The following KIAA1549L variants were observed in gnomAD, a reference collection of about 807,000 sequenced individuals.
The protein encoded by KIAA1549L is KIAA1549 like.
A neutral mutation model predicts 160.7 loss-of-function variants in KIAA1549L; 88 were observed. That is an observed-to-expected ratio of 0.55 (90% confidence interval 0.46 to 0.65). KIAA1549L has a LOEUF of 0.65. KIAA1549L is among the 30% of genes least tolerant of loss of function. The probability of loss-of-function intolerance (pLI) is 0.00; values close to 1 mark genes in which losing one functional copy is unlikely to be tolerated. For missense variants in KIAA1549L, 2,258 were observed against 2,437.5 expected, an observed-to-expected ratio of 0.93 and a Z score of 1.55; for synonymous variants, 950 against 976.7, an observed-to-expected ratio of 0.97 and a Z score of 0.51.
At chr11:33,662,332 T>G (rs186951952) in intron 20 of KIAA1549L, among the ~76,000 whole-genome samples, 3 of 152,342 alleles carry the variant, frequency 2.0e-5, no homozygotes, top group Admixed American at 2.0e-4. Flanking sequence ...TGTGCCATTA[T>G]CTGCAAATGA....
At chr11:33,495,761 T>C (rs1461427798) in intron 1 of KIAA1549L, among the ~76,000 whole-genome samples, 3 of 152,152 alleles carry the variant, frequency 2.0e-5, no homozygotes, top group Admixed American at 6.5e-5. Flanking sequence ...AAAGTGTTCC[T>C]GTTTCTCCAC....
At chr11:33,616,047 G>A (rs1288848380) in intron 15 of KIAA1549L, among the ~76,000 whole-genome samples, 6 of 152,130 alleles carry the variant, frequency 3.9e-5, no homozygotes, top group East Asian at 1.9e-4. Flanking sequence ...TGTGAGTGCC[G>A]TTATTAGAGT....
At chr11:33,584,879 G>A (rs1855760135) in intron 11 of KIAA1549L, among the ~76,000 whole-genome samples, 1 of 152,184 alleles carries the variant, frequency 6.6e-6, no homozygotes, top group South Asian at 2.1e-4. Flanking sequence ...TTGTCTACCA[G>A]TGCAGGAATG....
At chr11:33,494,753 T>C (rs1852775520) in intron 1 of KIAA1549L, among the ~76,000 whole-genome samples, 1 of 152,220 alleles carries the variant, frequency 6.6e-6, no homozygotes, top group Non-Finnish European at 1.5e-5. Context: ...AGAGCCACTT[T>C]GGCTCGATGC....
At chr11:33,458,544 G>A (rs539400754) in intron 1 of KIAA1549L, among the ~76,000 whole-genome samples, 1 of 152,358 alleles carries the variant, frequency 6.6e-6, no homozygotes, top group South Asian at 2.1e-4. Flanking sequence ...AGGGAGAAGA[G>A]TAGGGAGATG....
intron 5 of KIAA1549L, 131 bp downstream of exon 5, chr11:33,551,390 G>C: frequency 1.4e-6 from 1 of 726,022 alleles, no homozygotes; most frequent in Non-Finnish European, 2.4e-6. Context: ...TTCTTCAAAG[G>C]GTCCTGCTAA....
At chr11:33,480,188 A>G (rs1852379587) in intron 1 of KIAA1549L, among the ~76,000 whole-genome samples, 1 of 152,210 alleles carries the variant, frequency 6.6e-6, no homozygotes, top group Non-Finnish European at 1.5e-5. Context: ...AATCAATTTT[A>G]GAACATTTTC....
intron 9 of KIAA1549L, among the ~76,000 whole-genome samples, chr11:33,569,023 C>T (rs1855152209): frequency 6.6e-6 from 1 of 152,186 alleles, no homozygotes; most frequent in Non-Finnish European, 1.5e-5. Context: ...CAGTAACTGG[C>T]TTAATAACGC....
In KIAA1549L at chr11:33,459,984, G is replaced by A. The variant is rs889380427; in HGVS notation, c.239-81818G>A. Reference sequence around the variant, plus strand: ...TCAAAAAAAAAAAAAAAAAGAAATAGCCTTCATCCCACTTGCTCCTTAAAT... The same window carrying A: ...TCAAAAAAAAAAAAAAAAAGAAATAACCTTCATCCCACTTGCTCCTTAAAT... On this transcript the variant is annotated intron_variant, in intron 1 of 20. Coordinates refer to ENST00000658780, the MANE Select transcript of KIAA1549L (RefSeq NM_012194.3). Among the ~76,000 whole-genome samples, 266 of 118,890 alleles carry A rather than the reference G, an allele frequency of 2.2e-3. 1 individual carries two copies. The highest frequency in any genetic ancestry group is 8.3e-3 in the African/African-American group (250 of 30,162). The allele number at this position is 118,890 out of a possible 152,430, so 78.0% of individuals were successfully genotyped here.
intron 10 of KIAA1549L, among the ~76,000 whole-genome samples, chr11:33,579,453 C>T (rs1327627679): frequency 6.6e-6 from 1 of 152,186 alleles, no homozygotes; most frequent in Non-Finnish European, 1.5e-5. Context: ...TAGTTGCACC[C>T]TCTTCTCTGT....
intron 1 of KIAA1549L, among the ~76,000 whole-genome samples, chr11:33,499,960 T>C (rs1374652414): frequency 6.6e-6 from 1 of 152,202 alleles, no homozygotes; most frequent in Non-Finnish European, 1.5e-5. Flanking sequence ...TTGCTCTTCC[T>C]CATCCACATA....
intron 12 of KIAA1549L, among the ~76,000 whole-genome samples, chr11:33,598,190 T>TTGTGTGTG (rs57343190): frequency 0.01 from 1,353 of 135,152 alleles, 18 homozygotes; most frequent in African/African-American, 0.031. Context: ...GAGAGAATGT[T>TTGTGTGTG]TGTGTGTGTG....
chr11:33,432,567 T>C (rs1171008475), intron 1 of KIAA1549L, among the ~76,000 whole-genome samples: 1 of 152,168 alleles, frequency 6.6e-6, no homozygotes, highest in Non-Finnish European at 1.5e-5. Flanking sequence ...GAAATAAACA[T>C]ATCTTTTCCT....
chr11:33,668,383 T>C lies in KIAA1549L; in HGVS notation c.*229T>C. 1.7e-6 allele frequency: 1 copy of C among 574,400 alleles called. No individual in the cohort carries two copies. The highest frequency in any genetic ancestry group is 2.3e-5 in the South Asian group (1 of 44,066). The allele number at this position is 574,400 out of a possible 1,614,324, so 35.6% of individuals were successfully genotyped here. On this transcript the variant is annotated 3_prime_UTR_variant, in exon 21 of 21. Coordinates refer to ENST00000658780, the MANE Select transcript of KIAA1549L (RefSeq NM_012194.3). ...AAGTCCCTGGCTTGGGGCCTTATGT[T>C]TGATACTCTCTCATGTCAAATGTTT...
intron 1 of KIAA1549L, among the ~76,000 whole-genome samples, chr11:33,478,906 C>T (rs1451311338): frequency 2.0e-5 from 3 of 152,144 alleles, no homozygotes; most frequent in Admixed American, 2.0e-4. Flanking sequence ...GCTGGGATTA[C>T]AGGTGTCAGC....
At chr11:33,408,341 T>C (rs1850711516) in intron 1 of KIAA1549L, among the ~76,000 whole-genome samples, 1 of 152,060 alleles carries the variant, frequency 6.6e-6, no homozygotes, top group Non-Finnish European at 1.5e-5. Context: ...AGCATCTGCG[T>C]GATCTTGGTT....
intron 11 of KIAA1549L, among the ~76,000 whole-genome samples, chr11:33,585,294 G>A (rs907915778): frequency 3.3e-5 from 5 of 152,166 alleles, no homozygotes; most frequent in Non-Finnish European, 5.9e-5. Flanking sequence ...CGAGGCGGGC[G>A]GATCACCTGA....
chr11:33,543,407 C>A lies in KIAA1549L; in HGVS notation c.1844C>A (p.Pro615Gln). The change falls in exon 2 of 21, where the codon CCA (proline) becomes CAA (glutamine). Residue 615 changes from proline to glutamine, a missense_variant. Physicochemically the swap from Pro to Gln is moderately conservative, Grantham distance 76 (BLOSUM62 -1). This residue lies in a region of KIAA1549L where 540 missense variants were observed against 465.7 expected (regional missense o/e 1.16). Transcript: ENST00000658780. ...GSVSSPIITA[P>Q]RTNPLPSGPP... ...GTCTCATCTCCCATCATTACAGCAC[C>A]AAGGACGAATCCCCTTCCTTCAGGA... 6.2e-7 allele frequency: 1 copy of A among 1,613,980 alleles called. No individual in the cohort carries two copies. The highest frequency in any genetic ancestry group is 8.5e-7 in the Non-Finnish European group (1 of 1,179,868).
At chr11:33,525,524 C>T (rs1269903559) in intron 1 of KIAA1549L, among the ~76,000 whole-genome samples, 1 of 149,324 alleles carries the variant, frequency 6.7e-6, no homozygotes, top group Non-Finnish European at 1.5e-5. Context: ...GTGATGGAAG[C>T]TTCTGGCTGA....
Sources: gnomAD v4.1 joint callset for allele counts (sites outside exome capture counted in the v4.1 genomes callset) on GRCh38, gnomAD v4.1.1 for gene constraint, gnomAD v4.1.1 regional missense constraint, MANE v1.5 for transcripts, NCBI Gene and HGNC (gene_info 2026-07-23, HGNC 2026-07-21) for gene names.